Variants in ZNF804B observed in about 807,000 individuals in gnomAD.
ZNF804B encodes zinc finger 804B.
Under a neutral mutation model 101.4 loss-of-function variants are expected in ZNF804B, and 80 were observed. The ratio of observed to expected loss-of-function variants is 0.79; its 90% CI spans 0.66 to 0.95. ZNF804B has a LOEUF of 0.95. Among genes scored for constraint, ZNF804B ranks in the 40% least tolerant of loss-of-function variants. ZNF804B has a pLI of 0.00. For missense variants in ZNF804B, 1,673 were observed against 1,561.9 expected (o/e 1.07, Z -1.20); for synonymous variants, 622 against 558.8 (o/e 1.11, Z -1.59).
At chr7:89,222,813 G>A (rs1420376835) in intron 2 of ZNF804B, among the ~76,000 whole-genome samples, 1 of 151,816 alleles carries the variant, frequency 6.6e-6, no homozygotes, top group East Asian at 1.9e-4. Flanking sequence ...CCTTTTGCTT[G>A]AAATCTATTA....
chr7:88,797,207 TTCTTTTTACTAAG>T (rs3214110), intron 1 of ZNF804B, among the ~76,000 whole-genome samples: 24,956 of 151,936 alleles, frequency 0.16, 2,118 homozygotes, highest in African/African-American at 0.21. Context: ...TCCAACTCTA[TTCTTTTTACTAAG>T]TCTTTTTACT....
intron 1 of ZNF804B, among the ~76,000 whole-genome samples, chr7:89,041,134 A>G (rs898552041): frequency 3.3e-5 from 5 of 152,100 alleles, no homozygotes; most frequent in Non-Finnish European, 5.9e-5. Flanking sequence ...GCATGGGTCC[A>G]TGAGGACTAA....
At chr7:89,029,665 G>A (rs949531833) in intron 1 of ZNF804B, among the ~76,000 whole-genome samples, 1 of 152,020 alleles carries the variant, frequency 6.6e-6, no homozygotes, top group Non-Finnish European at 1.5e-5. Flanking sequence ...CTTCATCAGC[G>A]GGGTCATTAT....
chr7:89,238,567 A>T (rs1360321673), intron 2 of ZNF804B, among the ~76,000 whole-genome samples: 1 of 152,230 alleles, frequency 6.6e-6, no homozygotes, highest in Non-Finnish European at 1.5e-5. Flanking sequence ...TCATGAAATA[A>T]AAAGGATATT....
intron 1 of ZNF804B, among the ~76,000 whole-genome samples, chr7:88,852,706 C>T (rs1397614599): frequency 6.6e-6 from 1 of 152,080 alleles, no homozygotes; most frequent in Non-Finnish European, 1.5e-5. Flanking sequence ...ATATAAACAT[C>T]AAATAATCAC....
At chr7:88,949,875 C>T (rs144720182) in intron 1 of ZNF804B, among the ~76,000 whole-genome samples, 10 of 151,942 alleles carry the variant, frequency 6.6e-5, no homozygotes, top group Non-Finnish European at 1.3e-4. Flanking sequence ...AGCCTAGGAG[C>T]GGTAGGCTAT....
chr7:89,008,392 T>C (rs1788401523), intron 1 of ZNF804B, among the ~76,000 whole-genome samples: 1 of 152,198 alleles, frequency 6.6e-6, no homozygotes, highest in Admixed American at 6.6e-5. Context: ...GAGAATTTCA[T>C]TGATGAGCCT....
At chr7:89,244,390 T>C (rs1789413121) in intron 2 of ZNF804B, among the ~76,000 whole-genome samples, 1 of 152,088 alleles carries the variant, frequency 6.6e-6, no homozygotes, top group East Asian at 1.9e-4. Flanking sequence ...ATATTACGAG[T>C]TTTAAAATAT....
At chr7:88,998,119 C>T (rs779078753) in intron 1 of ZNF804B, among the ~76,000 whole-genome samples, 20 of 152,130 alleles carry the variant, frequency 1.3e-4, no homozygotes, top group African/African-American at 4.6e-4. Flanking sequence ...TGTATACTCA[C>T]GTTCTTCCAT....
intron 1 of ZNF804B, among the ~76,000 whole-genome samples, chr7:89,124,282 A>G (rs1790446973): frequency 6.6e-6 from 1 of 152,150 alleles, no homozygotes; most frequent in African/African-American, 2.4e-5. Context: ...CTCCAGAAAT[A>G]AGAAACAATA....
chr7:89,286,663 A>T (rs1790202989), intron 2 of ZNF804B, among the ~76,000 whole-genome samples: 1 of 152,210 alleles, frequency 6.6e-6, no homozygotes, highest in Admixed American at 6.5e-5. Flanking sequence ...CTAATGCTGG[A>T]CAATGAGGAA....
chr7:89,333,659 A>T lies in ZNF804B; in HGVS notation c.677A>T (p.Lys226Ile), dbSNP rs147649508. The T allele has an allele frequency of 3.7e-6, 6 of 1,613,410 alleles. No individual in the cohort carries two copies. The highest frequency in any genetic ancestry group is 5.1e-6 in the Non-Finnish European group (6 of 1,179,684). Reference protein sequence around the residue: ...RTGVSFTFSKKVHLKLESSAS... With the variant: ...RTGVSFTFSKIVHLKLESSAS... ...GGAGTATCATTTACTTTTTCCAAAAAAGTGCACCTAAAATTAGAATCTTCA... is the reference window on the plus strand; with the variant it reads ...GGAGTATCATTTACTTTTTCCAAAATAGTGCACCTAAAATTAGAATCTTCA... The change falls in exon 4 of 4, where the codon AAA (lysine) becomes ATA (isoleucine). Residue 226 changes from lysine to isoleucine, a missense_variant. Transcript: ENST00000333190.
At position 88,872,163 on chromosome 7, in the gene ZNF804B, T is replaced by C. The variant is rs530816745; in HGVS notation, c.108+112079T>C. 5.8e-4 allele frequency among the ~76,000 whole-genome samples: 88 copies of C among 152,346 alleles called. 1 individual carries two copies. The highest frequency in any genetic ancestry group is 1.7e-3 in the African/African-American group (69 of 41,580). On this transcript the variant is annotated intron_variant, in intron 1 of 3. Coordinates refer to ENST00000333190, the MANE Select transcript of ZNF804B (RefSeq NM_181646.5). ...CTGGAAATTTTGTGTATCTTATTTATTGAAATGCTATAAAATAGGCAAACA... is the reference window on the plus strand; with the variant it reads ...CTGGAAATTTTGTGTATCTTATTTACTGAAATGCTATAAAATAGGCAAACA...
chr7:89,005,058 A>G (rs373667134), intron 1 of ZNF804B, among the ~76,000 whole-genome samples: 1 of 151,930 alleles, frequency 6.6e-6, no homozygotes, highest in Non-Finnish European at 1.5e-5. Context: ...AACAGTATCT[A>G]TCCTGGGCTT....
At chr7:89,008,639 C>T (rs1039230530) in intron 1 of ZNF804B, among the ~76,000 whole-genome samples, 3 of 152,094 alleles carry the variant, frequency 2.0e-5, no homozygotes, top group African/African-American at 7.2e-5. Flanking sequence ...CCAATATCTC[C>T]CACTCTCCAC....
intron 1 of ZNF804B, among the ~76,000 whole-genome samples, chr7:89,143,017 G>A (rs1790740104): frequency 6.6e-6 from 1 of 151,914 alleles, no homozygotes; most frequent in African/African-American, 2.4e-5. Flanking sequence ...AAAACTCAGA[G>A]GACTTTCATG....
chr7:89,083,048 G>A (rs181212212), intron 1 of ZNF804B, among the ~76,000 whole-genome samples: 446 of 151,670 alleles, frequency 2.9e-3, no homozygotes, highest in Middle Eastern at 0.01. Flanking sequence ...GATTTCCAAG[G>A]GCATTTTATT....
chr7:89,102,137 TGTGAATGCAG>T (rs1184032481), intron 1 of ZNF804B, among the ~76,000 whole-genome samples: 2 of 152,018 alleles, frequency 1.3e-5, no homozygotes, highest in Non-Finnish European at 2.9e-5. Flanking sequence ...GTGATAAACA[TGTGAATGCAG>T]GTGTCGGTTT....
intron 1 of ZNF804B, among the ~76,000 whole-genome samples, chr7:89,080,814 G>T (rs1303469255): frequency 6.6e-6 from 1 of 151,898 alleles, no homozygotes; most frequent in African/African-American, 2.4e-5. Flanking sequence ...AAAGCAGGGT[G>T]TTTTGATGCT....
Sources: allele counts gnomAD v4.1 joint callset (sites outside exome capture counted in the v4.1 genomes callset), GRCh38; gene constraint gnomAD v4.1.1; transcripts MANE v1.5; gene names NCBI Gene and HGNC (gene_info 2026-07-23, HGNC 2026-07-21).